The following LRRC7 variants were observed in gnomAD, a reference collection of about 807,000 sequenced individuals.
LRRC7 encodes leucine-rich repeat-containing protein 7.
In LRRC7, 23 loss-of-function variants were observed where a neutral mutation model predicts 175.7. That is an observed-to-expected ratio of 0.13 (90% confidence interval 0.09 to 0.19). The LOEUF (loss-of-function observed/expected upper bound fraction) is 0.19, where lower values mean the gene tolerates loss of function less well. LRRC7 is among the 10% of genes least tolerant of loss of function. LRRC7 has a pLI of 1.00. For missense variants in LRRC7, 1,354 were observed against 1,904.7 expected (o/e 0.71, Z 5.38); for synonymous variants, 685 against 680.9 (o/e 1.01, Z -0.09).
intron 2 of LRRC7, among the ~76,000 whole-genome samples, chr1:69,757,014 G>A (rs1181961153): frequency 6.6e-6 from 1 of 151,888 alleles, no homozygotes; most frequent in Non-Finnish European, 1.5e-5. Flanking sequence ...TATTATGTGT[G>A]GGGAGCATAA....
chr1:69,907,521 C>T (rs1182395258), intron 7 of LRRC7, among the ~76,000 whole-genome samples: 63 of 152,080 alleles, frequency 4.1e-4, no homozygotes, highest in Non-Finnish European at 5.6e-4. Flanking sequence ...GAGATAATCA[C>T]GTGGTTTTTG....
intron 23 of LRRC7, among the ~76,000 whole-genome samples, chr1:70,057,002 G>C (rs1021070725): frequency 2.0e-5 from 3 of 151,514 alleles, no homozygotes; most frequent in African/African-American, 2.4e-5. Context: ...TTAAATGTTG[G>C]GGGGGGAATC....
chr1:69,857,610 A>C (rs1288216096), intron 7 of LRRC7, among the ~76,000 whole-genome samples: 4 of 152,198 alleles, frequency 2.6e-5, no homozygotes, highest in African/African-American at 4.8e-5. Context: ...GAAATAAAAG[A>C]GGACACAAAC....
intron 2 of LRRC7, among the ~76,000 whole-genome samples, chr1:69,728,300 G>T (rs1667199600): frequency 6.6e-6 from 1 of 152,066 alleles, no homozygotes; most frequent in Admixed American, 6.6e-5. Context: ...GAAACTGTTT[G>T]AAATGGGCAG....
At chr1:69,960,390 T>C (rs1650934551) in intron 8 of LRRC7, among the ~76,000 whole-genome samples, 1 of 152,136 alleles carries the variant, frequency 6.6e-6, no homozygotes, top group Non-Finnish European at 1.5e-5. Context: ...TTTATTATTG[T>C]AGCTAGAGAG....
chr1:70,137,785 A>G lies in LRRC7; in HGVS notation c.*15898A>G, dbSNP rs1163731981. On this transcript the variant is annotated 3_prime_UTR_variant, in exon 27 of 27. Coordinates refer to ENST00000651989, the MANE Select transcript of LRRC7 (RefSeq NM_001370785.2). ...AATTAAGAGTTCTCCAATGTTGACA[A>G]TTTCAGCTGCCCTAGCAGCCTCTCT... Among the ~76,000 whole-genome samples the G allele has an allele frequency of 6.6e-6, 1 of 152,260 alleles. No individual in the cohort carries two copies. Among genetic ancestry groups the G allele is most frequent in the South Asian group, 2.1e-4 (1 of 4,832 alleles).
intron 7 of LRRC7, among the ~76,000 whole-genome samples, chr1:69,856,267 C>A (rs1249760773): frequency 2.0e-5 from 3 of 152,018 alleles, no homozygotes; most frequent in Non-Finnish European, 4.4e-5. Flanking sequence ...AAAATCAGAG[C>A]AGAACTGAAG....
At chr1:69,672,155 T>A (rs4440810) in intron 1 of LRRC7, among the ~76,000 whole-genome samples, 9,510 of 152,260 alleles carry the variant, frequency 0.062, 314 homozygotes, top group South Asian at 0.1. Flanking sequence ...GTTGTGTGTG[T>A]AGATAGTTGT....
chr1:69,765,763 G>T (rs970646446), intron 3 of LRRC7, among the ~76,000 whole-genome samples: 1 of 151,990 alleles, frequency 6.6e-6, no homozygotes, highest in Non-Finnish European at 1.5e-5. Context: ...ACTTGCTTAA[G>T]GGTTCTCCTT....
intron 8 of LRRC7, among the ~76,000 whole-genome samples, chr1:69,962,559 A>G (rs1259686463): frequency 3.9e-5 from 6 of 152,250 alleles, no homozygotes. Context: ...TGTTCACAAT[A>G]TCAAAGACAT....
At chr1:70,051,866 T>C (rs957359132) in intron 22 of LRRC7, among the ~76,000 whole-genome samples, 3 of 152,064 alleles carry the variant, frequency 2.0e-5, no homozygotes, top group African/African-American at 4.8e-5. Flanking sequence ...GGTTCTATCA[T>C]TGTTTTTCAG....
chr1:69,637,757 C>A (rs769371861), intron 1 of LRRC7, among the ~76,000 whole-genome samples: 3 of 151,882 alleles, frequency 2.0e-5, no homozygotes, highest in Non-Finnish European at 4.4e-5. Context: ...CTTAATTACA[C>A]AGAATCATTT....
At chr1:70,044,129 C>A (rs201031850) in intron 22 of LRRC7, 35 bp downstream of exon 22, 3 of 1,598,252 alleles carry the variant, frequency 1.9e-6, no homozygotes, top group Non-Finnish European at 1.7e-6. Flanking sequence ...GTCAGCATAC[C>A]AAAGCCAATT....
intron 26 of LRRC7, among the ~76,000 whole-genome samples, chr1:70,115,504 A>G (rs956659889): frequency 6.6e-6 from 1 of 152,146 alleles, no homozygotes; most frequent in African/African-American, 2.4e-5. Context: ...CTTTCACACC[A>G]TTACGCAATA....
At chr1:70,015,688 C>G (rs1383903150) in intron 13 of LRRC7, among the ~76,000 whole-genome samples, 1 of 152,130 alleles carries the variant, frequency 6.6e-6, no homozygotes, top group African/African-American at 2.4e-5. Flanking sequence ...GAAGCCAAAG[C>G]TAAATATATA....
intron 2 of LRRC7, among the ~76,000 whole-genome samples, chr1:69,692,003 ATTAC>A (rs1032823761): frequency 1.3e-5 from 2 of 152,106 alleles, no homozygotes; most frequent in African/African-American, 4.8e-5. Context: ...CTTGATCTTT[ATTAC>A]TTATAAAGGC....
Position 70,107,936 on chromosome 1 carries a change from A to G in LRRC7, c.4620+110A>G, listed in dbSNP as rs1371065320. The G allele has an allele frequency of 6.1e-6, 6 of 985,940 alleles. No homozygotes were observed. In the East Asian group the frequency reaches 9.8e-5, roughly 16 times the overall value. The allele number at this position is 985,940 out of a possible 1,614,324, so 61.1% of individuals were successfully genotyped here. ...ATGATTGAAAATAAGTCCTTCTCAC[A>G]TTGCTTATTTGCCTTTATTATTTTG... On this transcript the variant is annotated intron_variant, in intron 26 of 26. Transcript: ENST00000651989.
chr1:69,623,305 G>C (rs550405334), intron 1 of LRRC7, among the ~76,000 whole-genome samples: 2 of 152,132 alleles, frequency 1.3e-5, no homozygotes, highest in South Asian at 4.1e-4. Context: ...TAAGACACAA[G>C]ATAACTTTTC....
chr1:69,978,463 C>T (rs529416207), intron 8 of LRRC7, among the ~76,000 whole-genome samples: 112 of 152,338 alleles, frequency 7.4e-4, no homozygotes, highest in African/African-American at 2.6e-3. Context: ...TCTTGCCCAG[C>T]CTGACATATA....
Sources: allele counts gnomAD v4.1 joint callset (sites outside exome capture counted in the v4.1 genomes callset), GRCh38; gene constraint gnomAD v4.1.1; transcripts MANE v1.5; gene names NCBI Gene and HGNC (gene_info 2026-07-23, HGNC 2026-07-21).